The following PSD3 variants were observed in gnomAD, a reference collection of about 807,000 sequenced individuals.
PSD3 encodes the protein pleckstrin and Sec7 domain containing 3.
In PSD3, 49 loss-of-function variants were observed where a neutral mutation model predicts 105.5. The observed-to-expected ratio is 0.46, with a 90% confidence interval of 0.37 to 0.59. The LOEUF (loss-of-function observed/expected upper bound fraction) is 0.59. Ranked by LOEUF, PSD3 falls within the 20% of genes least tolerant of loss-of-function variation. The pLI is 0.00. For missense variants in PSD3, 1,561 were observed against 1,263.8 expected (o/e 1.24, Z -3.57); for synonymous variants, 557 against 457.8 (o/e 1.22, Z -2.77).
intron 4 of PSD3, among the ~76,000 whole-genome samples, chr8:18,837,982 G>C (rs2129451048): frequency 6.6e-6 from 1 of 152,282 alleles, no homozygotes; most frequent in South Asian, 2.1e-4. Flanking sequence ...GGGATGAAAT[G>C]ATAGAGGACT....
chr8:18,991,148 G>A (rs960911560), intron 1 of PSD3, among the ~76,000 whole-genome samples: 2 of 152,044 alleles, frequency 1.3e-5, no homozygotes, highest in Admixed American at 6.6e-5. Flanking sequence ...CCCTCATCCC[G>A]CGTGGAGATT....
chr8:18,790,305 C>CTTTTTTTTTTTT (rs772350691), intron 8 of PSD3, among the ~76,000 whole-genome samples: 3 of 133,362 alleles, frequency 2.2e-5, no homozygotes, highest in Non-Finnish European at 3.2e-5. Flanking sequence ...TTTTTCTTTT[C>CTTTTTTTTTTTT]TTTTTTTTTT....
intron 12 of PSD3, among the ~76,000 whole-genome samples, chr8:18,596,434 A>G (rs1804100199): frequency 6.6e-6 from 1 of 152,080 alleles, no homozygotes; most frequent in Admixed American, 6.6e-5. Flanking sequence ...AGCACAGGAA[A>G]GACACAGTAA....
At chr8:18,745,304 T>C (rs1804917932) in intron 9 of PSD3, among the ~76,000 whole-genome samples, 1 of 152,238 alleles carries the variant, frequency 6.6e-6, no homozygotes, top group Non-Finnish European at 1.5e-5. Flanking sequence ...TGCCATTTCC[T>C]CCTTTCCTTT....
chr8:19,013,501 C>A, intron 1 of PSD3, 62 bp downstream of exon 1: 2 of 1,579,100 alleles, frequency 1.3e-6, no homozygotes, highest in Middle Eastern at 3.3e-4. Context: ...CAACACAAAC[C>A]CCACGTCGAA....
chr8:18,703,060 A>C (rs1801683480), intron 9 of PSD3, among the ~76,000 whole-genome samples: 1 of 152,078 alleles, frequency 6.6e-6, no homozygotes, highest in African/African-American at 2.4e-5. Flanking sequence ...ACTGTGAAAA[A>C]TCCTAATGGG....
At chr8:18,937,473 A>T (rs1208450867) in intron 1 of PSD3, among the ~76,000 whole-genome samples, 1 of 152,196 alleles carries the variant, frequency 6.6e-6, no homozygotes, top group South Asian at 2.1e-4. Flanking sequence ...GAAATGACTG[A>T]CAATACTAGG....
chr8:18,846,508 C>G (rs939093322), intron 4 of PSD3, among the ~76,000 whole-genome samples: 3 of 152,156 alleles, frequency 2.0e-5, no homozygotes, highest in Non-Finnish European at 2.9e-5. Flanking sequence ...CCTGGGGAAA[C>G]TCACACCAGG....
intron 12 of PSD3, among the ~76,000 whole-genome samples, chr8:18,589,886 T>A (rs960886062): frequency 1.3e-5 from 2 of 152,232 alleles, no homozygotes; most frequent in Non-Finnish European, 2.9e-5. Context: ...GTTCTTTGCG[T>A]CTGAGGTGAT....
chr8:18,860,060 T>C (rs1041919657), intron 4 of PSD3, among the ~76,000 whole-genome samples: 5 of 152,162 alleles, frequency 3.3e-5, no homozygotes, highest in African/African-American at 9.7e-5. Flanking sequence ...GTGAGAGACA[T>C]GAGATTCTTC....
chr8:18,594,265 T>TTATTATATATAATATAATATA (rs1803884770), intron 12 of PSD3, among the ~76,000 whole-genome samples: 1 of 22,356 alleles, frequency 4.5e-5, no homozygotes, highest in African/African-American at 1.1e-4. Context: ...ATAATATATA[T>TTATTATATATAATATAATATA]TATTATATAT....
intron 9 of PSD3, among the ~76,000 whole-genome samples, chr8:18,714,147 C>T (rs925689386): frequency 6.6e-6 from 1 of 152,072 alleles, no homozygotes. Context: ...GGATTAAAGA[C>T]TTAAATGTAA....
intron 2 of PSD3, among the ~76,000 whole-genome samples, chr8:18,884,391 G>T (rs1029723241): frequency 6.6e-6 from 1 of 152,030 alleles, no homozygotes; most frequent in Non-Finnish European, 1.5e-5. Flanking sequence ...AACCCATTTT[G>T]CCCAGCAATA....
chr8:18,725,078 T>C (rs1002790065), intron 9 of PSD3, among the ~76,000 whole-genome samples: 1 of 152,200 alleles, frequency 6.6e-6, no homozygotes, highest in Non-Finnish European at 1.5e-5. Flanking sequence ...TAAACTTCCA[T>C]TAAAGTTTTC....
chr8:18,758,005 T>C (rs1447474310), intron 9 of PSD3, among the ~76,000 whole-genome samples: 2 of 152,048 alleles, frequency 1.3e-5, no homozygotes, highest in Non-Finnish European at 2.9e-5. Flanking sequence ...AGTGGACTTG[T>C]CCATTATTTT....
chr8:18,765,656 G>T, intron 8 of PSD3, 118 bp from the exon 9 acceptor site: 1 of 870,258 alleles, frequency 1.1e-6, no homozygotes. Flanking sequence ...GCCAGGTGCG[G>T]TGGCTCACGC....
At chr8:18,930,552 C>T (rs569010823) in intron 2 of PSD3, among the ~76,000 whole-genome samples, 1 of 149,668 alleles carries the variant, frequency 6.7e-6, no homozygotes, top group Admixed American at 6.7e-5. Flanking sequence ...TCTTTAACTT[C>T]TTAACTAACT....
At chr8:18,587,272 C>T (rs576801728) in intron 12 of PSD3, among the ~76,000 whole-genome samples, 5 of 152,222 alleles carry the variant, frequency 3.3e-5, no homozygotes, top group African/African-American at 1.2e-4. Context: ...CTTTGAGTAC[C>T]TGAGTATAGG....
chr8:18,557,849 G>C (rs1259301959), intron 14 of PSD3, among the ~76,000 whole-genome samples: 1 of 152,202 alleles, frequency 6.6e-6, no homozygotes, highest in Non-Finnish European at 1.5e-5. Context: ...TTCAGGCAAG[G>C]AGACTATCAA....
Sources: gnomAD v4.1 joint callset for allele counts (sites outside exome capture counted in the v4.1 genomes callset) on GRCh38, gnomAD v4.1.1 for gene constraint, MANE v1.5 for transcripts, NCBI Gene and HGNC (gene_info 2026-07-23, HGNC 2026-07-21) for gene names.